SERINC5: variants seen among roughly 807,000 people sequenced by gnomAD.
SERINC5 encodes the protein serine incorporator 5.
A neutral mutation model predicts 63.1 loss-of-function variants in SERINC5; 41 were observed. That is an observed-to-expected ratio of 0.65 (90% CI 0.51 to 0.84). The LOEUF (loss-of-function observed/expected upper bound fraction) is 0.84. Ranked by LOEUF, SERINC5 falls within the 40% of genes least tolerant of loss-of-function variation. The pLI is 0.00. For synonymous variants in SERINC5, 222 were observed against 215.2 expected (o/e 1.03, Z -0.28); for missense variants, 523 against 573.0 (o/e 0.91, Z 0.89).
At chr5:80,229,195 T>G (rs556982486) in intron 1 of SERINC5, among the ~76,000 whole-genome samples, 1 of 152,070 alleles carries the variant, frequency 6.6e-6, no homozygotes, top group African/African-American at 2.4e-5. Context: ...GGCTAATTTT[T>G]GTATTTTTAG....
At chr5:80,114,040 T>G (rs1170714732) in intron 11 of SERINC5, among the ~76,000 whole-genome samples, 1 of 151,986 alleles carries the variant, frequency 6.6e-6, no homozygotes, top group Admixed American at 6.6e-5. Flanking sequence ...CAATTAACAA[T>G]GACCTGCCCT....
At chr5:80,162,169 T>C (rs1051488302) in intron 7 of SERINC5, among the ~76,000 whole-genome samples, 5 of 152,190 alleles carry the variant, frequency 3.3e-5, no homozygotes, top group African/African-American at 1.2e-4. Context: ...CCAAGTTTTG[T>C]TCTTTTTGCT....
At chr5:80,252,073 T>C (rs2112619559) in intron 1 of SERINC5, among the ~76,000 whole-genome samples, 1 of 146,314 alleles carries the variant, frequency 6.8e-6, no homozygotes, top group African/African-American at 2.5e-5. Flanking sequence ...TTTTTTTTTT[T>C]TTTTTTTGAG....
Position 80,140,064 on chromosome 5 carries a change from T to C in SERINC5, c.*3599A>G, listed in dbSNP as rs896540755. The C allele has an allele frequency of 8.1e-6, 8 of 984,578 alleles. No individual in the cohort carries two copies. The highest frequency in any genetic ancestry group is 9.6e-6 in the Non-Finnish European group (8 of 829,328). 61.0% of individuals were successfully genotyped at this position (984,578 alleles called of 1,614,324 possible). ...CAGAGGGTAGGCTGCGTGCAGTGGT[T>C]TACGCCTATAATCCCAGCACTTTGG... On this transcript the variant is annotated 3_prime_UTR_variant, in exon 12 of 12. Coordinates refer to ENST00000507668, the MANE Select transcript of SERINC5 (RefSeq NM_001174072.3).
intron 11 of SERINC5, among the ~76,000 whole-genome samples, chr5:80,145,656 T>C (rs2112301571): frequency 6.6e-6 from 1 of 152,304 alleles, no homozygotes; most frequent in South Asian, 2.1e-4. Context: ...ACTGTCCATA[T>C]AGAGCTAACT....
intron 1 of SERINC5, among the ~76,000 whole-genome samples, chr5:80,239,413 C>CG (rs1751852118): frequency 5.2e-3 from 6 of 1,162 alleles, no homozygotes; most frequent in Non-Finnish European, 1.7e-3. Flanking sequence ...GCACAATCCC[C>CG]CTTGTCAGCA....
chr5:80,145,666 T>C (rs1274523761), intron 11 of SERINC5, among the ~76,000 whole-genome samples: 2 of 152,184 alleles, frequency 1.3e-5, no homozygotes, highest in Admixed American at 1.3e-4. Context: ...TAGAGCTAAC[T>C]TTCCATTTTC....
chr5:80,140,359 G>A lies in SERINC5; in HGVS notation c.*3304C>T, dbSNP rs1456691849. On this transcript the variant is annotated 3_prime_UTR_variant, in exon 12 of 12. Transcript: ENST00000507668. ...GCTTAGGGTGACAATTTTGACATGG[G>A]GACAGGAAATTAACATTACACTGAG... The A allele has an allele frequency of 4.2e-5, 41 of 980,794 alleles. No individual in the cohort carries two copies. The Admixed American group carries it at 2.4e-3, about 58-fold the overall frequency. 60.8% of individuals were successfully genotyped at this position (980,794 alleles called of 1,614,324 possible).
At chr5:80,155,735 A>T (rs930023886) in intron 8 of SERINC5, among the ~76,000 whole-genome samples, 5 of 152,138 alleles carry the variant, frequency 3.3e-5, no homozygotes, top group African/African-American at 1.2e-4. Context: ...ACTTGCCTTA[A>T]AACATTTTTT....
chr5:80,211,689 G>T (rs1168996116), intron 1 of SERINC5, among the ~76,000 whole-genome samples: 2 of 152,178 alleles, frequency 1.3e-5, no homozygotes, highest in Non-Finnish European at 1.5e-5. Flanking sequence ...AAGTTGATGT[G>T]AAAGCCTGAT....
At chr5:80,170,481 G>C (rs568219141) in intron 5 of SERINC5, among the ~76,000 whole-genome samples, 9 of 152,176 alleles carry the variant, frequency 5.9e-5, no homozygotes, top group African/African-American at 1.9e-4. Flanking sequence ...TGGGCAGGTG[G>C]GGGGAGACAG....
intron 5 of SERINC5, among the ~76,000 whole-genome samples, chr5:80,173,225 A>AAGGAAGGAAG (rs1747778677): frequency 7.3e-6 from 1 of 137,748 alleles, no homozygotes; most frequent in African/African-American, 2.7e-5. Context: ...CAGGAAGGAA[A>AAGGAAGGAAG]GAAGGAAGGA....
At chr5:80,112,304 G>A (rs183642746) in intron 12 of SERINC5, among the ~76,000 whole-genome samples, 239 of 152,308 alleles carry the variant, frequency 1.6e-3, no homozygotes, top group African/African-American at 5.3e-3. Flanking sequence ...AGATGTTTGG[G>A]TGGAGAGAAG....
chr5:80,144,498 C>T (rs1745697661), intron 11 of SERINC5, among the ~76,000 whole-genome samples: 1 of 152,178 alleles, frequency 6.6e-6, no homozygotes, highest in East Asian at 1.9e-4. Context: ...TCTCCACTTC[C>T]TCGACATTTG....
intron 6 of SERINC5, 175 bp from the exon 7 acceptor site, chr5:80,166,653 G>A: frequency 2.0e-6 from 1 of 508,004 alleles, no homozygotes; most frequent in South Asian, 2.1e-5. Flanking sequence ...AGATATTAAG[G>A]GGGAGAGAGT....
chr5:80,137,148 AAAAAAAAAAAAAAAAC>A (rs1247996722), downstream of SERINC5, among the ~76,000 whole-genome samples: 15 of 121,942 alleles, frequency 1.2e-4, no homozygotes, highest in East Asian at 4.1e-4. Flanking sequence ...TCAAAAAAAA[AAAAAAAAAAAAAAAAC>A]AAAAAAAACA....
intron 5 of SERINC5, among the ~76,000 whole-genome samples, chr5:80,170,931 CG>C (rs1747610924): frequency 6.6e-6 from 1 of 152,142 alleles, no homozygotes; most frequent in Admixed American, 6.6e-5. Flanking sequence ...CACCTGAGCT[CG>C]GGTGGATGAA....
intron 11 of SERINC5, among the ~76,000 whole-genome samples, chr5:80,122,949 C>T (rs1367449590): frequency 6.6e-6 from 1 of 152,230 alleles, no homozygotes; most frequent in Non-Finnish European, 1.5e-5. Flanking sequence ...TGATTTCCAG[C>T]CCTGTGCTAT....
intron 1 of SERINC5, among the ~76,000 whole-genome samples, chr5:80,244,965 C>CA (rs1432001326): frequency 5.3e-5 from 8 of 152,288 alleles, no homozygotes; most frequent in African/African-American, 1.7e-4. Flanking sequence ...CCAGCACTCT[C>CA]AAAAAATCCA....
Sources: gnomAD v4.1 joint callset for allele counts (sites outside exome capture counted in the v4.1 genomes callset) on GRCh38, gnomAD v4.1.1 for gene constraint, MANE v1.5 for transcripts, NCBI Gene and HGNC (gene_info 2026-07-23, HGNC 2026-07-21) for gene names.